Variants in BFSP1 observed in about 807,000 individuals in gnomAD.
The protein encoded by BFSP1 is filensin.
A neutral mutation model predicts 43.9 loss-of-function variants in BFSP1; 38 were observed. The observed-to-expected ratio is 0.87, with a 90% confidence interval of 0.67 to 1.14. The LOEUF is 1.14. Ranked by LOEUF, BFSP1 falls within the 50% of genes most tolerant of loss-of-function variation. The pLI, the probability that BFSP1 is intolerant of heterozygous loss-of-function variation, is 0.00. For missense variants in BFSP1, 850 were observed against 875.1 expected, an observed-to-expected ratio of 0.97 and a Z score of 0.36; for synonymous variants, 352 against 354.8, an observed-to-expected ratio of 0.99 and a Z score of 0.09.
intron 5 of BFSP1, among the ~76,000 whole-genome samples, chr20:17,504,410 G>A (rs948460805): frequency 3.3e-5 from 5 of 152,132 alleles, no homozygotes; most frequent in Non-Finnish European, 5.9e-5. Context: ...TGCCTGTGAC[G>A]AGAGCCACTG....
intron 2 of BFSP1, among the ~76,000 whole-genome samples, chr20:17,523,694 T>C (rs960274928): frequency 1.3e-5 from 2 of 150,930 alleles, no homozygotes; most frequent in African/African-American, 4.9e-5. Context: ...CCAGCCTGCA[T>C]TGACTGACCT....
At chr20:17,512,427 C>A (rs1026460609) in intron 3 of BFSP1, among the ~76,000 whole-genome samples, 2 of 152,078 alleles carry the variant, frequency 1.3e-5, no homozygotes, top group African/African-American at 4.8e-5. Flanking sequence ...GAGAAAAAAA[C>A]CAGCCCTCAC....
intron 1 of BFSP1, among the ~76,000 whole-genome samples, chr20:17,567,631 G>A (rs982810777): frequency 3.3e-5 from 5 of 152,138 alleles, no homozygotes; most frequent in African/African-American, 1.2e-4. Context: ...GGAGGCCAAG[G>A]TGGCCAGATC....
chr20:17,539,495 C>T lies in BFSP1; in HGVS notation c.3-14587G>A, dbSNP rs112745713. On this transcript the variant is annotated intron_variant, in intron 1 of 7. Transcript: ENST00000377868. ...TGGGGGCTGGGCATCTGGCTCTCGCCCAGCACTTTGGGAGGCTGAGGCAGG... is the reference window on the plus strand; with the variant it reads ...TGGGGGCTGGGCATCTGGCTCTCGCTCAGCACTTTGGGAGGCTGAGGCAGG... Among the ~76,000 whole-genome samples, 1,438 of 152,076 alleles carry T rather than the reference C, an allele frequency of 9.5e-3. 21 individuals are homozygous for T. Among genetic ancestry groups the T allele is most frequent in the African/African-American group, 0.033 (1,368 of 41,464 alleles).
Position 17,531,365 on chromosome 20 carries a change from C to G in BFSP1, c.-36G>C, listed in dbSNP as rs1015919822. 1.5e-6 allele frequency: 2 copies of G among 1,332,138 alleles called. No homozygotes were observed. The highest frequency in any genetic ancestry group is 3.1e-5 in the African/African-American group (2 of 64,472). 82.5% of individuals were successfully genotyped at this position (1,332,138 alleles called of 1,614,324 possible). A position where few individuals can be genotyped will look rare whatever the true frequency, so the allele number is the denominator to read the frequency against. Reference sequence around the variant, plus strand: ...GCGCGGGCGCGCGGGCGGCGCCGAGCCGGCTCTCCAGGAGGCCCCCGGCGC... The same window carrying G: ...GCGCGGGCGCGCGGGCGGCGCCGAGGCGGCTCTCCAGGAGGCCCCCGGCGC... On this transcript the variant is annotated 5_prime_UTR_variant, in exon 1 of 8. Coordinates refer to ENST00000377873, the MANE Select transcript of BFSP1 (RefSeq NM_001195.5).
At chr20:17,564,296 G>A (rs2035096175) in intron 1 of BFSP1, among the ~76,000 whole-genome samples, 2 of 151,298 alleles carry the variant, frequency 1.3e-5, no homozygotes, top group African/African-American at 2.4e-5. Context: ...GAGCCCAGGA[G>A]GTCAAGGCTG....
In BFSP1 at chr20:17,494,294, G is replaced by T. The variant is rs2033568866; in HGVS notation, c.1778C>A (p.Ala593Asp). 1 of 1,614,080 alleles carries T rather than the reference G, an allele frequency of 6.2e-7. No homozygotes were observed. The highest frequency in any genetic ancestry group is 8.5e-7 in the Non-Finnish European group (1 of 1,180,038). Residue 593 changes from alanine to aspartate, a missense_variant, in exon 8 of 8, where the codon GCT (alanine) becomes GAT (aspartate). Ala to Asp is a moderately radical substitution (Grantham distance 126, BLOSUM62 -2). Coordinates refer to ENST00000377873, the MANE Select transcript of BFSP1 (RefSeq NM_001195.5). ...AAGCACCTCAGCTCCATCCTGATCA[G>T]CCGCAGGCTTTGGAGGCTCAGGTAT... ...PSIPEPPKPA[A>D]DQDGAEVLGT...
chr20:17,568,301 G>A (rs1314437546), intron 1 of BFSP1, among the ~76,000 whole-genome samples: 1 of 152,114 alleles, frequency 6.6e-6, no homozygotes, highest in African/African-American at 2.4e-5. Context: ...AGTGGAGGAC[G>A]AAATGCAGGA....
chr20:17,509,041 G>C, intron 4 of BFSP1, 45 bp from the exon 5 acceptor site: 2 of 1,429,008 alleles, frequency 1.4e-6, no homozygotes, highest in Non-Finnish European at 1.9e-6. Flanking sequence ...CATGCAGAGA[G>C]GAAAAGGGCA....
upstream of BFSP1, among the ~76,000 whole-genome samples, chr20:17,532,984 T>C (rs2034572212): frequency 6.6e-6 from 1 of 152,092 alleles, no homozygotes; most frequent in Admixed American, 6.6e-5. Flanking sequence ...ATAGATTCCG[T>C]CTGGAATAAA....
At position 17,508,937 on chromosome 20, in the gene BFSP1, C is replaced by A; in HGVS notation, c.687G>T (p.Arg229=). The part of the protein sequence containing the change: ...AALRSQLEEG[R]EVLSHLQAQR... ...GCGCCTGCAGGTGGGAGAGCACCTC[C>A]CGGCCCTCCTCCAGCTGACTCCGCA... Residue 229 remains arginine (R), a synonymous_variant, in exon 5 of 8, where the codon CGG becomes CGT. Transcript: ENST00000377873. 1 of 1,605,590 alleles carries A rather than the reference C, an allele frequency of 6.2e-7. No homozygotes were observed.
chr20:17,553,816 CACACACACAT>C (rs1202378838), intron 1 of BFSP1, among the ~76,000 whole-genome samples: 3,053 of 95,276 alleles, frequency 0.032, 86 homozygotes, highest in Middle Eastern at 0.041. Flanking sequence ...CACACACACA[CACACACACAT>C]ATATATATAT....
At chr20:17,556,358 C>T (rs546666618) in intron 1 of BFSP1, among the ~76,000 whole-genome samples, 5 of 151,982 alleles carry the variant, frequency 3.3e-5, no homozygotes, top group Non-Finnish European at 5.9e-5. Context: ...GTTAGCTGGG[C>T]ATGGTGGTGT....
In BFSP1 at chr20:17,494,806, C is replaced by T. The variant is rs1175323759; in HGVS notation, c.1266G>A (p.Leu422=). ...FESESKEVSP[L]TQEGAPEDVP... is the part of the protein sequence containing the mutation. The stretch of plus-strand genomic sequence containing the variant: ...CATCCTCTGGAGCCCCTTCTTGTGT[C>T]AGGGGACTTACTTCTTTACTTTCTG... Residue 422 remains leucine (L), a synonymous_variant, in exon 8 of 8, where the codon CTG becomes CTA. Transcript: ENST00000377873. 1 of 1,614,216 alleles carries T rather than the reference C, an allele frequency of 6.2e-7. No homozygotes were observed. Among genetic ancestry groups the T allele is most frequent in the East Asian group, 2.2e-5 (1 of 44,874 alleles).
chr20:17,513,927 G>A (rs1451770068), intron 3 of BFSP1, among the ~76,000 whole-genome samples: 2 of 152,226 alleles, frequency 1.3e-5, no homozygotes, highest in African/African-American at 2.4e-5. Flanking sequence ...GGGAGCTGGT[G>A]TGTTTATACA....
In BFSP1 at chr20:17,494,207, A is replaced by C; in HGVS notation, c.1865T>G (p.Val622Gly). The part of the protein sequence containing the change: ...GPPKALAYKT[V>G]EVVESIEKIS... ...CTTCTCGATAGATTCCACCACTTCC[A>C]CTGTCTTATAGGCCAAAGCCTTGGG... The change falls in exon 8 of 8, where the codon GTG becomes GGG. Residue 622 changes from valine to glycine, a missense_variant. Transcript: ENST00000377873. The C allele has an allele frequency of 1.2e-6, 2 of 1,613,930 alleles. No homozygotes were observed. The highest frequency in any genetic ancestry group is 1.7e-6 in the Non-Finnish European group (2 of 1,179,980).
Position 17,494,696 on chromosome 20 carries a change from T to A in BFSP1, c.1376A>T (p.Glu459Val), listed in dbSNP as rs772453660. The change falls in exon 8 of 8, where the codon GAG becomes GTG. Residue 459 changes from glutamate (E) to valine (V), a missense_variant. Glu to Val is a moderately radical substitution (Grantham distance 121, BLOSUM62 -2). Coordinates refer to ENST00000377873, the MANE Select transcript of BFSP1 (RefSeq NM_001195.5). ...TTTGGTGTAGAGCTCAGTGGGGGTC[T>A]CAGGCTCTTTGGGGCTTCTCACTTT... ...KEKVRSPKEP[E>V]TPTELYTKER... The A allele has an allele frequency of 7.3e-5, 114 of 1,557,080 alleles. No individual in the cohort carries two copies. The East Asian group carries it at 2.6e-3, about 36-fold the overall frequency.
chr20:17,504,382 G>T (rs2033880501), intron 5 of BFSP1, among the ~76,000 whole-genome samples: 1 of 152,164 alleles, frequency 6.6e-6, no homozygotes, highest in Non-Finnish European at 1.5e-5. Context: ...TGTCTCAGGA[G>T]CTCAACAGGA....
rs1226462537 is a variant in BFSP1, at chr20:17,493,938, G to A, written c.*136C>T. ...AAGAAAACATTTTAATGAAGGCTTC[G>A]TTGGCAATGCCAGATGGGTCAACTA... On this transcript the variant is annotated 3_prime_UTR_variant, in exon 8 of 8. Coordinates refer to ENST00000377873, the MANE Select transcript of BFSP1 (RefSeq NM_001195.5). The A allele has an allele frequency of 1.5e-5, 12 of 797,804 alleles. No homozygotes were observed. The highest frequency in any genetic ancestry group is 2.6e-5 in the East Asian group (1 of 38,530). 49.4% of individuals were successfully genotyped at this position (797,804 alleles called of 1,614,324 possible). A position where few individuals can be genotyped will look rare whatever the true frequency, so the allele number is the denominator to read the frequency against.
Sources: gnomAD v4.1 joint callset for allele counts (sites outside exome capture counted in the v4.1 genomes callset) on GRCh38, gnomAD v4.1.1 for gene constraint, MANE v1.5 for transcripts, NCBI Gene and HGNC (gene_info 2026-07-23, HGNC 2026-07-21) for gene names.